The following LPIN1 variants were observed in gnomAD, a reference collection of about 807,000 sequenced individuals.
LPIN1 encodes the protein phosphatidate phosphatase LPIN1.
Under a neutral mutation model 107.5 loss-of-function variants are expected in LPIN1, and 71 were observed. The observed-to-expected ratio is 0.66, with a 90% CI of 0.55 to 0.80. The LOEUF is 0.80. Among genes scored for constraint, LPIN1 ranks in the 30% least tolerant of loss-of-function variants. LPIN1 has a pLI of 0.00. For synonymous variants in LPIN1, 445 were observed against 452.6 expected (o/e 0.98, Z 0.21); for missense variants, 1,043 against 1,160.6 (o/e 0.90, Z 1.47).
rs879225167 is a variant in LPIN1, at chr2:11,787,009, T to C, written c.1550-65T>C. 42 of 1,048,330 alleles carry C rather than the reference T, an allele frequency of 4.0e-5. No homozygotes were observed. In the South Asian group the frequency reaches 5.1e-4, roughly 13 times the overall value. 64.9% of individuals were successfully genotyped at this position (1,048,330 alleles called of 1,614,324 possible). A position where few individuals can be genotyped will look rare whatever the true frequency, so the allele number is the denominator to read the frequency against. ...CACTTGTGAGTGAGCAAATGAAAGG[T>C]AGGCCTAATTTTGAACTGAATTTTC... On this transcript the variant is annotated intron_variant, in intron 10 of 20. Transcript: ENST00000674199.
chr2:11,703,284 G>A (rs1662973440), intron 1 of LPIN1, among the ~76,000 whole-genome samples: 1 of 152,096 alleles, frequency 6.6e-6, no homozygotes, highest in South Asian at 2.1e-4. Flanking sequence ...GCCTGCTGGG[G>A]GGATTGGAGT....
At chr2:11,759,133 T>TTTTCTTTCTTTCTTTCTTTCTTTC (rs201897285) in intron 1 of LPIN1, among the ~76,000 whole-genome samples, 5 of 131,534 alleles carry the variant, frequency 3.8e-5, no homozygotes, top group African/African-American at 5.8e-5. Context: ...GCTTTCTTTC[T>TTTTCTTTCTTTCTTTCTTTCTTTC]TTTCTTTCTT....
intron 1 of LPIN1, among the ~76,000 whole-genome samples, chr2:11,701,221 C>T (rs915089597): frequency 6.6e-6 from 1 of 152,174 alleles, no homozygotes; most frequent in Non-Finnish European, 1.5e-5. Flanking sequence ...GTACCTGGCC[C>T]TTTGTTTGTG....
intron 13 of LPIN1, chr2:11,792,372 T>C (rs1302154942): frequency 6.4e-5 from 15 of 235,950 alleles, no homozygotes; most frequent in Non-Finnish European, 1.2e-4. Flanking sequence ...TTTTTCTTTT[T>C]CTCCCCTCCC....
intron 1 of LPIN1, among the ~76,000 whole-genome samples, chr2:11,759,820 C>T (rs1241933915): frequency 6.9e-6 from 1 of 144,240 alleles, no homozygotes; most frequent in African/African-American, 2.6e-5. Context: ...GGGCTGACCC[C>T]CCACCTCCCT....
chr2:11,678,584 T>C (rs964230727), intron 1 of LPIN1, among the ~76,000 whole-genome samples: 1 of 152,010 alleles, frequency 6.6e-6, no homozygotes, highest in Admixed American at 6.5e-5. Flanking sequence ...GGGGATAGAG[T>C]GGCGAGGCAG....
At chr2:11,690,474 G>C (rs768145144) in intron 1 of LPIN1, among the ~76,000 whole-genome samples, 11 of 152,132 alleles carry the variant, frequency 7.2e-5, no homozygotes, top group Non-Finnish European at 1.6e-4. Context: ...TTAGTGTTCA[G>C]AGTCTGCTTT....
At chr2:11,790,391 C>G (rs955819130) in intron 12 of LPIN1, among the ~76,000 whole-genome samples, 1 of 152,252 alleles carries the variant, frequency 6.6e-6, no homozygotes, top group Non-Finnish European at 1.5e-5. Context: ...TCTGCTCAGA[C>G]TGCCGCATCT....
At chr2:11,702,768 C>T (rs531193898) in intron 1 of LPIN1, among the ~76,000 whole-genome samples, 1 of 152,290 alleles carries the variant, frequency 6.6e-6, no homozygotes, top group Non-Finnish European at 1.5e-5. Flanking sequence ...GCTTCTCTGT[C>T]TCTCTCTGTC....
chr2:11,810,893 A>G (rs1679535624), intron 17 of LPIN1, among the ~76,000 whole-genome samples: 1 of 152,146 alleles, frequency 6.6e-6, no homozygotes. Context: ...CTTAAGAGGG[A>G]TGCAGAGATT....
At position 11,825,613 on chromosome 2, in the gene LPIN1, A is replaced by G. The variant is rs1417385555; in HGVS notation, c.*822A>G. 1 of 152,580 alleles carries G rather than the reference A, an allele frequency of 6.6e-6. No individual in the cohort carries two copies. Among genetic ancestry groups the G allele is most frequent in the African/African-American group, 2.4e-5 (1 of 41,436 alleles). The allele number at this position is 152,580 out of a possible 1,614,324, so 9.5% of individuals were successfully genotyped here. A position where few individuals can be genotyped will look rare whatever the true frequency, so the allele number is the denominator to read the frequency against. On this transcript the variant is annotated 3_prime_UTR_variant, in exon 21 of 21. Transcript: ENST00000674199. The surrounding 1 kb of genome is among the most constrained non-coding windows in gnomAD (Gnocchi z 4.1). The stretch of plus-strand genomic sequence containing the variant: ...TAAATATTACTAAGGCAGTATTTTG[A>G]ATGAGTTTGACACTGCCGGCTTCCT...
chr2:11,685,176 G>A (rs1661938427), intron 1 of LPIN1, among the ~76,000 whole-genome samples: 1 of 152,206 alleles, frequency 6.6e-6, no homozygotes, highest in African/African-American at 2.4e-5. Flanking sequence ...AGTGAGCGGA[G>A]GCCTCAGGAG....
intron 1 of LPIN1, among the ~76,000 whole-genome samples, chr2:11,763,987 G>GTATA (rs1162699730): frequency 1.0e-3 from 136 of 132,940 alleles, no homozygotes; most frequent in African/African-American, 4.0e-3. Context: ...GTGTGTGTGT[G>GTATA]TATATATATA....
chr2:11,755,335 G>A (rs1395045636), intron 1 of LPIN1, among the ~76,000 whole-genome samples: 1 of 152,090 alleles, frequency 6.6e-6, no homozygotes, highest in African/African-American at 2.4e-5. Context: ...TACTTTGAGG[G>A]TGGTGGGTGC....
At chr2:11,733,457 T>G (rs1442749212) in intron 1 of LPIN1, among the ~76,000 whole-genome samples, 1 of 151,840 alleles carries the variant, frequency 6.6e-6, no homozygotes, top group Admixed American at 6.6e-5. Context: ...AATTGTCCAG[T>G]TGCATGACTC....
intron 17 of LPIN1, 75 bp downstream of exon 17, chr2:11,805,231 C>A: frequency 8.5e-7 from 1 of 1,172,052 alleles, no homozygotes; most frequent in Non-Finnish European, 1.3e-6. Context: ...TGGAATCTTT[C>A]CTGTCCCAGC....
chr2:11,695,537 G>T (rs1209934366), intron 1 of LPIN1, among the ~76,000 whole-genome samples: 1 of 152,146 alleles, frequency 6.6e-6, no homozygotes, highest in East Asian at 1.9e-4. Flanking sequence ...TGCAGTCAGG[G>T]TATGAGGGGG....
intron 18 of LPIN1, among the ~76,000 whole-genome samples, chr2:11,815,658 A>G (rs1332681490): frequency 2.6e-5 from 4 of 151,902 alleles, no homozygotes; most frequent in South Asian, 2.1e-4. Context: ...ATGAGCCTCT[A>G]TCTCATCTCC....
At chr2:11,822,170 C>T (rs1481802797) in intron 20 of LPIN1, among the ~76,000 whole-genome samples, 6 of 151,528 alleles carry the variant, frequency 4.0e-5, no homozygotes, top group African/African-American at 1.5e-4. Flanking sequence ...ATGGCTCATG[C>T]CTATAATCCC....
Sources: gnomAD v4.1 joint callset for allele counts (sites outside exome capture counted in the v4.1 genomes callset) on GRCh38, gnomAD v4.1.1 for gene constraint, Gnocchi (gnomAD v3.1) non-coding constraint, MANE v1.5 for transcripts, NCBI Gene and HGNC (gene_info 2026-07-23, HGNC 2026-07-21) for gene names.